Variants in BANP observed in about 807,000 individuals in gnomAD.
The protein encoded by BANP is BTG3 associated nuclear protein, also known as protein BANP.
Under a neutral mutation model 68.1 loss-of-function variants are expected in BANP, and 11 were observed. The ratio of observed to expected loss-of-function variants is 0.16; its 90% confidence interval spans 0.10 to 0.27. BANP has a LOEUF of 0.27. BANP is among the 10% of genes least tolerant of loss of function. The probability of loss-of-function intolerance (pLI) is 1.00; values close to 1 mark genes in which losing one functional copy is unlikely to be tolerated. For missense variants in BANP, 504 were observed against 722.7 expected, an observed-to-expected ratio of 0.70 and a Z score of 3.47; for synonymous variants, 329 against 303.2, an observed-to-expected ratio of 1.09 and a Z score of -0.88.
chr16:88,030,634 C>T (rs562806496), intron 8 of BANP, among the ~76,000 whole-genome samples: 1 of 152,348 alleles, frequency 6.6e-6, no homozygotes, highest in East Asian at 1.9e-4. Flanking sequence ...GCTGAAATGT[C>T]ACAGCTGGAA....
At chr16:88,048,386 AGAAG>A (rs1250439326) in intron 11 of BANP, among the ~76,000 whole-genome samples, 1 of 152,142 alleles carries the variant, frequency 6.6e-6, no homozygotes, top group African/African-American at 2.4e-5. Flanking sequence ...AATGGAGGAA[AGAAG>A]GGGCCAGAAG....
chr16:88,009,083 A>G (rs201465104), intron 6 of BANP, among the ~76,000 whole-genome samples: 1 of 152,330 alleles, frequency 6.6e-6, no homozygotes, highest in East Asian at 1.9e-4. Flanking sequence ...AAAATAGCCA[A>G]TCCATTAATG....
At chr16:88,045,198 G>T (rs948899679) in intron 11 of BANP, among the ~76,000 whole-genome samples, 5 of 152,152 alleles carry the variant, frequency 3.3e-5, no homozygotes, top group African/African-American at 1.2e-4. Context: ...AGGATTATCC[G>T]TGTCACTTGG....
intron 4 of BANP, among the ~76,000 whole-genome samples, chr16:87,988,477 G>A (rs2152484140): frequency 6.6e-6 from 1 of 151,764 alleles, no homozygotes; most frequent in Non-Finnish European, 1.5e-5. Flanking sequence ...ATGTTTGTCA[G>A]TCTGATCTCA....
At chr16:88,065,162 T>A (rs564390753) in intron 11 of BANP, 105 bp from the exon 12 acceptor site, 1 of 597,078 alleles carries the variant, frequency 1.7e-6, no homozygotes, top group East Asian at 3.0e-5. Flanking sequence ...CCCGTGGCTT[T>A]ACCGGAGGGC....
At chr16:87,995,205 G>A (rs553048214) in intron 4 of BANP, among the ~76,000 whole-genome samples, 105 of 152,362 alleles carry the variant, frequency 6.9e-4, no homozygotes, top group African/African-American at 2.4e-3. Flanking sequence ...CTGGATGTGC[G>A]GGGGCTCCCG....
chr16:88,072,009 G>C (rs2090468162), intron 12 of BANP, 60 bp from the exon 13 acceptor site: 3 of 1,535,888 alleles, frequency 2.0e-6, no homozygotes, highest in African/African-American at 1.4e-5. Flanking sequence ...GAGCCATGTG[G>C]GTTGTGGGTT....
intron 7 of BANP, among the ~76,000 whole-genome samples, chr16:88,024,355 T>G (rs1245138627): frequency 6.6e-6 from 1 of 152,182 alleles, no homozygotes; most frequent in East Asian, 1.9e-4. Flanking sequence ...AAAACCAAAG[T>G]GATGAGAGTA....
At chr16:88,046,164 G>T (rs1383911353) in intron 11 of BANP, among the ~76,000 whole-genome samples, 2 of 152,254 alleles carry the variant, frequency 1.3e-5, no homozygotes, top group Non-Finnish European at 2.9e-5. Flanking sequence ...GACGTCACTG[G>T]ACTGCGGCCC....
intron 2 of BANP, among the ~76,000 whole-genome samples, chr16:87,977,469 T>C (rs189858887): frequency 2.0e-5 from 3 of 152,088 alleles, no homozygotes; most frequent in African/African-American, 4.8e-5. Context: ...CCTGCCCCAG[T>C]ACAAAGCCTG....
intron 5 of BANP, among the ~76,000 whole-genome samples, chr16:88,005,134 G>A (rs758624698): frequency 1.2e-3 from 180 of 152,270 alleles, no homozygotes; most frequent in Non-Finnish European, 1.9e-3. Context: ...CTCCAGGGCC[G>A]CAGCTGTGGT....
chr16:88,018,164 G>A lies in BANP; in HGVS notation c.656-264G>A, dbSNP rs1358292687. 6.6e-6 allele frequency among the ~76,000 whole-genome samples: 1 copy of A among 151,972 alleles called. No individual in the cohort carries two copies. ...GAGCAGAGTGTGTGACCGTGTTGGC[G>A]CTCAGGTCCCGAGGCCCTGCAGCCC... On this transcript the variant is annotated intron_variant, in intron 6 of 13. Coordinates refer to ENST00000682872, the MANE Select transcript of BANP (RefSeq NM_001386991.1). This position sits in a 1 kb window ranked among gnomAD's most constrained non-coding sequence, Gnocchi z 7.7.
intron 4 of BANP, among the ~76,000 whole-genome samples, chr16:87,992,162 G>A (rs1383177577): frequency 1.3e-5 from 2 of 152,122 alleles, no homozygotes; most frequent in East Asian, 1.9e-4. Context: ...AGTGAATTAC[G>A]TCGATTTCGA....
chr16:88,063,870 C>G (rs924550289), intron 11 of BANP, among the ~76,000 whole-genome samples: 3 of 152,008 alleles, frequency 2.0e-5, no homozygotes, highest in African/African-American at 7.3e-5. Flanking sequence ...GTAGGCATAC[C>G]CAAGTGGTGA....
Position 88,003,882 on chromosome 16 carries a change from T to G in BANP, c.363-413T>G. Reference sequence around the variant, plus strand: ...GTTAGATCTGTCCCATAGGAATGAGTTGGGATGGAGTGACTGAAAATGTCA... The same window carrying G: ...GTTAGATCTGTCCCATAGGAATGAGGTGGGATGGAGTGACTGAAAATGTCA... On this transcript the variant is annotated intron_variant, in intron 4 of 13. Transcript: ENST00000682872. This position sits in a 1 kb window ranked among gnomAD's most constrained non-coding sequence, Gnocchi z 6.1. 3.4e-6 allele frequency: 1 copy of G among 297,190 alleles called. No individual in the cohort carries two copies. The highest frequency in any genetic ancestry group is 3.1e-5 in the South Asian group (1 of 32,650). The allele number at this position is 297,190 out of a possible 1,614,324, so 18.4% of individuals were successfully genotyped here.
intron 1 of BANP, among the ~76,000 whole-genome samples, chr16:87,961,126 A>G (rs748976567): frequency 2.6e-5 from 4 of 152,236 alleles, no homozygotes; most frequent in African/African-American, 4.8e-5. Context: ...AGTCAAGCCA[A>G]TGGATCTTAA....
chr16:87,956,615 G>A (rs1567570241), intron 1 of BANP: 1 of 152,242 alleles, frequency 6.6e-6, no homozygotes, highest in Non-Finnish European at 1.5e-5. Context: ...AGAATGGGGC[G>A]AGTGATTGGT....
At chr16:88,006,714 G>A (rs2071264222) in intron 6 of BANP, among the ~76,000 whole-genome samples, 1 of 151,738 alleles carries the variant, frequency 6.6e-6, no homozygotes, top group Admixed American at 6.6e-5. Context: ...AGCACTTTGG[G>A]AGGCTGAGGC....
At chr16:87,977,525 A>G (rs2062407504) in intron 2 of BANP, among the ~76,000 whole-genome samples, 1 of 152,184 alleles carries the variant, frequency 6.6e-6, no homozygotes, top group African/African-American at 2.4e-5. Context: ...AGGTACCTTG[A>G]TGTGTCAAGC....
Sources: gnomAD v4.1 joint callset for allele counts (sites outside exome capture counted in the v4.1 genomes callset) on GRCh38, gnomAD v4.1.1 for gene constraint, Gnocchi (gnomAD v3.1) non-coding constraint, MANE v1.5 for transcripts, NCBI Gene and HGNC (gene_info 2026-07-23, HGNC 2026-07-21) for gene names.